Variants in MAPK11 observed in about 807,000 individuals in gnomAD.
The protein encoded by MAPK11 is mitogen-activated protein kinase 11.
A neutral mutation model predicts 52.2 loss-of-function variants in MAPK11; 44 were observed. The ratio of observed to expected loss-of-function variants is 0.84; its 90% CI spans 0.66 to 1.08. MAPK11 has a LOEUF of 1.08. MAPK11 is among the 50% of genes least tolerant of loss of function. The pLI is 0.00. For missense variants in MAPK11, 436 were observed against 494.7 expected (o/e 0.88, Z 1.13); for synonymous variants, 233 against 206.3 (o/e 1.13, Z -1.11).
chr22:50,265,230 C>A, intron 11 of MAPK11, 91 bp downstream of exon 11: 2 of 1,537,450 alleles, frequency 1.3e-6, no homozygotes, highest in Non-Finnish European at 8.9e-7. Context: ...CCACACCTGA[C>A]CAGTCTGGAG....
chr22:50,267,602 G>T lies in MAPK11; in HGVS notation c.272C>A (p.Thr91Lys), dbSNP rs758226467. Residue 91 changes from threonine to lysine, a missense_variant, in exon 3 of 12, where the codon ACG becomes AAG. Physicochemically the swap from Thr to Lys is moderately conservative, Grantham distance 78 (BLOSUM62 -1). Coordinates refer to ENST00000330651, the MANE Select transcript of MAPK11 (RefSeq NM_002751.7). ...GAAGTCCTCGATGGACGTGGCCGGCGTGAAGACGTCCAGAAGCCCGATGAC... is the reference window on the plus strand; with the variant it reads ...GAAGTCCTCGATGGACGTGGCCGGCTTGAAGACGTCCAGAAGCCCGATGAC... ...ENVIGLLDVFTPATSIEDFSE... is the reference protein window; with the variant it reads ...ENVIGLLDVFKPATSIEDFSE... 6.5e-7 allele frequency: 1 copy of T among 1,543,772 alleles called. No individual in the cohort carries two copies. Among genetic ancestry groups the T allele is most frequent in the African/African-American group, 1.4e-5 (1 of 73,180 alleles).
In MAPK11 at chr22:50,265,034, G is replaced by A. The variant is rs370772698; in HGVS notation, c.1016-7C>T. 1 of 1,611,558 alleles carries A rather than the reference G, an allele frequency of 6.2e-7. No homozygotes were observed. The highest frequency in any genetic ancestry group is 1.3e-5 in the African/African-American group (1 of 74,998). On this transcript the variant is annotated splice_region_variant and splice_polypyrimidine_tract_variant and intron_variant, in intron 11 of 11. Coordinates refer to ENST00000330651, the MANE Select transcript of MAPK11 (RefSeq NM_002751.7). ...ACTTCCTGGTAAGTGAGCTCTAGGA[G>A]GTGAAGGGAAAGGGTGAGCTTGTGC...
chr22:50,265,742 C>T, intron 9 of MAPK11, 82 bp from the exon 10 acceptor site: 1 of 862,248 alleles, frequency 1.2e-6, no homozygotes, highest in South Asian at 1.7e-5. Flanking sequence ...TTGGCAAGCC[C>T]CCAGACTCAT....
At position 50,265,973 on chromosome 22, in the gene MAPK11, C is replaced by T. The variant is rs80139320; in HGVS notation, c.762+253G>A. On this transcript the variant is annotated intron_variant, in intron 9 of 11. Transcript: ENST00000330651. ...TGGCCAGGCACTGCTTGCTGGGCCCCCAGCCCACCCCCACTGCCCTGGCCA... is the reference window on the plus strand; with the variant it reads ...TGGCCAGGCACTGCTTGCTGGGCCCTCAGCCCACCCCCACTGCCCTGGCCA... 1.3e-3 allele frequency among the ~76,000 whole-genome samples: 163 copies of T among 127,114 alleles called. 3 individuals carry two copies. The highest frequency in any genetic ancestry group is 3.4e-3 in the African/African-American group (110 of 32,640). 83.4% of individuals were successfully genotyped at this position (127,114 alleles called of 152,430 possible).
Position 50,265,395 on chromosome 22 carries a change from G to C in MAPK11, c.941C>G (p.Pro314Arg). ...AHAYFSQYHD[P>R]EDEPEAEPYD... ...TGGCTCGGCCTCTGGCTCATCCTCG[G>C]GGTCGTGGTACTGGCTGAAGTAGGC... Residue 314 changes from proline (P) to arginine (R), a missense_variant, in exon 11 of 12, where the codon CCC becomes CGC. By Grantham distance (103) the Pro-to-Arg change is moderately radical. Coordinates refer to ENST00000330651, the MANE Select transcript of MAPK11 (RefSeq NM_002751.7). The C allele has an allele frequency of 1.9e-6, 3 of 1,613,150 alleles. No individual in the cohort carries two copies. Among genetic ancestry groups the C allele is most frequent in the Non-Finnish European group, 2.5e-6 (3 of 1,180,000 alleles).
chr22:50,265,601 GA>G lies in MAPK11; in HGVS notation c.821del (p.Phe274SerfsTer9). Reference sequence around the variant, plus strand: ...CCTCACCCAGGGGGTTGGCTCCACGGAAGATGCTGCTCAGGTCCTTCTGGGG... The same window carrying G: ...CCTCACCCAGGGGGTTGGCTCCACGGAGATGCTGCTCAGGTCCTTCTGGGG... ...PMPQKDLSSI[F>X]RGANPLAIDL... On this transcript the variant is annotated frameshift_variant, in exon 10 of 12. Transcript: ENST00000330651. LOFTEE classifies it high-confidence loss of function. 1 of 1,611,440 alleles carries G rather than the reference GA, an allele frequency of 6.2e-7. No homozygotes were observed. Among genetic ancestry groups the G allele is most frequent in the South Asian group, 1.1e-5 (1 of 90,874 alleles).
rs539141791 is a variant in MAPK11 at position 50,266,914 on chromosome 22, C to T, written c.610+20G>A. On this transcript the variant is annotated intron_variant, in intron 7 of 11. Transcript: ENST00000330651. ...GACGAGGCCCTTGGCCTTCGTCCCC[C>T]CAAGGCCTTCCCCCTGCACCTGTTT... The T allele has an allele frequency of 1.2e-6, 2 of 1,602,378 alleles. No homozygotes were observed. The highest frequency in any genetic ancestry group is 2.2e-5 in the East Asian group (1 of 44,850).
chr22:50,264,919 C>G lies in MAPK11; in HGVS notation c.*29G>C. On this transcript the variant is annotated 3_prime_UTR_variant, in exon 12 of 12. Coordinates refer to ENST00000330651, the MANE Select transcript of MAPK11 (RefSeq NM_002751.7). ...AAGGGTGCAGGCCCAAGCCCCTCCACAGGCTCTCAGGGGCTGCTGGGCAGC... is the reference window on the plus strand; with the variant it reads ...AAGGGTGCAGGCCCAAGCCCCTCCAGAGGCTCTCAGGGGCTGCTGGGCAGC... 6.3e-7 allele frequency: 1 copy of G among 1,590,120 alleles called. No homozygotes were observed.
chr22:50,266,839 G>A (rs1569147682), intron 7 of MAPK11, 95 bp downstream of exon 7: 1 of 1,243,664 alleles, frequency 8.0e-7, no homozygotes, highest in South Asian at 1.2e-5. Flanking sequence ...ACATTCTTGG[G>A]GACCTTGCCT....
chr22:50,268,467 G>T (rs569529395), intron 1 of MAPK11, among the ~76,000 whole-genome samples: 2 of 152,174 alleles, frequency 1.3e-5, no homozygotes, highest in South Asian at 4.1e-4. Flanking sequence ...GGTGTTTATT[G>T]CATCATTATT....
In MAPK11 at chr22:50,268,290, A is replaced by C. The variant is rs563695416; in HGVS notation, c.117-341T>G. Among the ~76,000 whole-genome samples the C allele has an allele frequency of 3.3e-4, 51 of 152,286 alleles. 1 individual carries two copies. The highest frequency in any genetic ancestry group is 1.2e-3 in the African/African-American group (49 of 41,562). ...TGCCCCATCCAGCGTGGAAAAACAC[A>C]GCAGGAAAACAGTCACTGGCATTCA... On this transcript the variant is annotated intron_variant, in intron 1 of 11. Coordinates refer to ENST00000330651, the MANE Select transcript of MAPK11 (RefSeq NM_002751.7).
At chr22:50,269,809 G>A (rs924104449) in intron 1 of MAPK11, among the ~76,000 whole-genome samples, 13 of 152,210 alleles carry the variant, frequency 8.5e-5, no homozygotes, top group Admixed American at 5.2e-4. Flanking sequence ...TGCCTGACCC[G>A]ACTCAGTGAA....
intron 1 of MAPK11, among the ~76,000 whole-genome samples, chr22:50,268,163 G>A (rs1292581678): frequency 6.6e-6 from 1 of 152,242 alleles, no homozygotes; most frequent in African/African-American, 2.4e-5. Context: ...ACCACCATGC[G>A]TGTGTTCACC....
rs551816443 is a variant in MAPK11, at chr22:50,268,541, C to T, written c.117-592G>A. ...GGCGTCAGCTGGACCCACAGAACAG[C>T]CCTTCGCCCAGCCCCACTTCCCAGA... On this transcript the variant is annotated intron_variant, in intron 1 of 11. Transcript: ENST00000330651. Among the ~76,000 whole-genome samples, 3 of 152,348 alleles carry T rather than the reference C, an allele frequency of 2.0e-5. No individual in the cohort carries two copies. In the East Asian group the frequency reaches 5.8e-4, roughly 29 times the overall value.
intron 1 of MAPK11, 117 bp from the exon 2 acceptor site, chr22:50,268,066 T>A: frequency 1.8e-6 from 2 of 1,084,728 alleles, no homozygotes; most frequent in Non-Finnish European, 2.4e-6. Context: ...GTGGGGCTTT[T>A]CTGCCCCGGC....
In MAPK11 at chr22:50,264,676, C is replaced by T; in HGVS notation, c.*272G>A. 2.6e-6 allele frequency: 1 copy of T among 384,382 alleles called. No homozygotes were observed. Among genetic ancestry groups the T allele is most frequent in the Non-Finnish European group, 4.8e-6 (1 of 208,574 alleles). The allele number at this position is 384,382 out of a possible 1,614,324, so 23.8% of individuals were successfully genotyped here. A position where few individuals can be genotyped will look rare whatever the true frequency, so the allele number is the denominator to read the frequency against. On this transcript the variant is annotated 3_prime_UTR_variant, in exon 12 of 12. Coordinates refer to ENST00000330651, the MANE Select transcript of MAPK11 (RefSeq NM_002751.7). Reference sequence around the variant, plus strand: ...GGCATCTAGGACCCCACAGTCAGGTCCCAGTGGAGAGTGCAGTAGCCAGAA... The same window carrying T: ...GGCATCTAGGACCCCACAGTCAGGTTCCAGTGGAGAGTGCAGTAGCCAGAA...
intron 11 of MAPK11, 129 bp downstream of exon 11, chr22:50,265,192 A>T: frequency 7.3e-7 from 1 of 1,365,630 alleles, no homozygotes; most frequent in South Asian, 1.3e-5. Context: ...CCCCGCTCCC[A>T]GCCTGTGCTG....
At position 50,264,760 on chromosome 22, in the gene MAPK11, C is replaced by T; in HGVS notation, c.*188G>A. On this transcript the variant is annotated 3_prime_UTR_variant, in exon 12 of 12. Transcript: ENST00000330651. ...CTTGTGCCCAGACTCCTACACATGG[C>T]AAGCACATGTACACACATGTTTGTG... The T allele has an allele frequency of 1.8e-6, 1 of 566,558 alleles. No homozygotes were observed. Among genetic ancestry groups the T allele is most frequent in the Non-Finnish European group, 3.2e-6 (1 of 315,438 alleles). The allele number at this position is 566,558 out of a possible 1,614,324, so 35.1% of individuals were successfully genotyped here.
chr22:50,267,579 A>G lies in MAPK11; in HGVS notation c.295T>C (p.Phe99Leu). The change falls in exon 3 of 12, where the codon TTC becomes CTC. Residue 99 changes from phenylalanine (F) to leucine (L), a missense_variant. Coordinates refer to ENST00000330651, the MANE Select transcript of MAPK11 (RefSeq NM_002751.7). Reference protein sequence around the residue: ...VFTPATSIEDFSEVYLVTTLM... With the variant: ...VFTPATSIEDLSEVYLVTTLM... ...CGCCCCGCCGCTCACACTTCGCTGA[A>G]GTCCTCGATGGACGTGGCCGGCGTG... is the stretch of plus-strand genomic sequence containing the variant. The G allele has an allele frequency of 6.5e-7, 1 of 1,547,658 alleles. No homozygotes were observed.
Sources: allele counts gnomAD v4.1 joint callset (sites outside exome capture counted in the v4.1 genomes callset), GRCh38; gene constraint gnomAD v4.1.1; transcripts MANE v1.5; gene names NCBI Gene and HGNC (gene_info 2026-07-23, HGNC 2026-07-21).